The following NUP160 variants were observed in gnomAD, a reference collection of about 807,000 sequenced individuals.
NUP160 encodes the protein nucleoporin 160.
NUP160 carries 94 observed loss-of-function variants against 196.9 expected under a neutral mutation model. The ratio of observed to expected loss-of-function variants is 0.48; its 90% CI spans 0.40 to 0.57. NUP160 has a LOEUF of 0.57. Among genes scored for constraint, NUP160 ranks in the 20% least tolerant of loss-of-function variants. The probability of loss-of-function intolerance (pLI) is 0.00; values close to 1 mark genes in which losing one functional copy is unlikely to be tolerated. For synonymous variants in NUP160, 605 were observed against 619.7 expected, an observed-to-expected ratio of 0.98 and a Z score of 0.35; for missense variants, 1,638 against 1,748.3, an observed-to-expected ratio of 0.94 and a Z score of 1.13.
At chr11:47,796,179 A>T in intron 27 of NUP160, 1 of 305,466 alleles carries the variant, frequency 3.3e-6, no homozygotes, top group Non-Finnish European at 6.0e-6. Context: ...AAAAAGGAGC[A>T]GCTGCGGAAG....
intron 22 of NUP160, among the ~76,000 whole-genome samples, chr11:47,802,479 T>C (rs2097674743): frequency 6.6e-6 from 1 of 151,742 alleles, no homozygotes; most frequent in South Asian, 2.1e-4. Context: ...GATTGACACA[T>C]ACATACATAA....
At chr11:47,818,615 T>C (rs1451049276) in intron 10 of NUP160, among the ~76,000 whole-genome samples, 1 of 152,026 alleles carries the variant, frequency 6.6e-6, no homozygotes, top group Non-Finnish European at 1.5e-5. Flanking sequence ...GAGAACAACA[T>C]GGAAAAATCT....
At chr11:47,822,133 C>G in exon 8 of NUP160, 1 of 1,610,516 alleles carries the variant, frequency 6.2e-7, no homozygotes, top group East Asian at 2.2e-5. Flanking sequence ...ATAGCGATTA[C>G]TCTCAGTGCT....
intron 27 of NUP160, among the ~76,000 whole-genome samples, chr11:47,794,826 C>T (rs1282749393): frequency 1.3e-5 from 2 of 151,486 alleles, no homozygotes; most frequent in African/African-American, 4.9e-5. Flanking sequence ...GCAGGAGAAT[C>T]GCTTGAACCT....
rs774498198 is a variant in NUP160 at position 47,813,037 on chromosome 11, G to A, written c.1797C>T (p.Ile599=). 13 of 1,605,376 alleles carry A rather than the reference G, an allele frequency of 8.1e-6. No homozygotes were observed. The highest frequency in any genetic ancestry group is 4.5e-5 in the East Asian group (2 of 44,820). ...TTATAAGACATATGACATCCCGAGCGATGTCCACATCTACAAATAAGAGAA... is the reference window on the plus strand; with the variant it reads ...TTATAAGACATATGACATCCCGAGCAATGTCCACATCTACAAATAAGAGAA... The change falls in exon 15 of 36, where the codon ATC becomes ATT. Residue 599 remains isoleucine, a synonymous_variant. Transcript: ENST00000378460.
At chr11:47,825,476 G>T in intron 7 of NUP160, among the ~76,000 whole-genome samples, 1 of 134,222 alleles carries the variant, frequency 7.5e-6, no homozygotes, top group Admixed American at 7.9e-5. Context: ...TTTTTGAGAC[G>T]GAGTATCGCT....
rs1852251317 is a variant in NUP160, at chr11:47,839,462, T to C, written c.748+381A>G. The C allele has an allele frequency of 2.2e-5, 5 of 225,608 alleles. No homozygotes were observed. The East Asian group carries it at 4.4e-4, about 20-fold the overall frequency. 14.0% of individuals were successfully genotyped at this position (225,608 alleles called of 1,614,324 possible). A position where few individuals can be genotyped will look rare whatever the true frequency, so the allele number is the denominator to read the frequency against. On this transcript the variant is annotated intron_variant, in intron 4 of 35. Coordinates refer to ENST00000378460, the Ensembl canonical transcript of NUP160. ...GTTAAGACAGATCTGGGGAGATATATAGAAAGCTAATACAATAATCCAGGC... is the reference window on the plus strand; with the variant it reads ...GTTAAGACAGATCTGGGGAGATATACAGAAAGCTAATACAATAATCCAGGC...
At chr11:47,843,477 T>C (rs1363287286) in intron 2 of NUP160, among the ~76,000 whole-genome samples, 1 of 152,218 alleles carries the variant, frequency 6.6e-6, no homozygotes, top group Admixed American at 6.5e-5. Context: ...TGGGCTCCTT[T>C]GTTGGTTCGT....
At chr11:47,808,338 G>A in intron 18 of NUP160, 58 bp downstream of exon 18, 2 of 1,508,562 alleles carry the variant, frequency 1.3e-6, no homozygotes, top group Admixed American at 3.7e-5. Context: ...TTAAGACAAG[G>A]GGAAAAATAA....
chr11:47,779,837 C>T (rs2097659625), intron 35 of NUP160, among the ~76,000 whole-genome samples: 1 of 152,048 alleles, frequency 6.6e-6, no homozygotes, highest in South Asian at 2.1e-4. Context: ...AAGCGATTCT[C>T]CTGCCTCAGC....
intron 11 of NUP160, among the ~76,000 whole-genome samples, chr11:47,817,408 T>A (rs1476429386): frequency 6.7e-6 from 1 of 149,754 alleles, no homozygotes; most frequent in Non-Finnish European, 1.5e-5. Flanking sequence ...AGTGGCGCAA[T>A]CTTGGCTCAC....
At chr11:47,780,480 G>A in intron 34 of NUP160, 33 bp from the exon 35 acceptor site, 1 of 1,398,762 alleles carries the variant, frequency 7.1e-7, no homozygotes, top group Non-Finnish European at 1.0e-6. Flanking sequence ...AAAACAGTCT[G>A]CAAAGTGTAC....
In NUP160 at chr11:47,785,117, A is replaced by G. The variant is rs1378202465; in HGVS notation, c.3849-54T>C. 1.3e-5 allele frequency: 7 copies of G among 551,600 alleles called. 2 individuals are homozygous for G. The highest frequency in any genetic ancestry group is 1.9e-5 in the Non-Finnish European group (7 of 369,372). The allele number at this position is 551,600 out of a possible 1,614,324, so 34.2% of individuals were successfully genotyped here. On this transcript the variant is annotated intron_variant, in intron 32 of 35. Coordinates refer to ENST00000378460, the Ensembl canonical transcript of NUP160. ...TTTCAGATTCTTAATAGCTATTTAG[A>G]GTACCATTCAAAGCATGTATTTACA...
intron 2 of NUP160, among the ~76,000 whole-genome samples, chr11:47,846,655 C>T (rs996237436): frequency 1.3e-5 from 2 of 152,162 alleles, no homozygotes; most frequent in South Asian, 2.1e-4. Flanking sequence ...CACCAGCAAC[C>T]CTTACTTGGG....
intron 15 of NUP160, 113 bp downstream of exon 15, chr11:47,812,769 T>C (rs2097681915): frequency 1.3e-6 from 1 of 793,262 alleles, no homozygotes; most frequent in South Asian, 2.0e-5. Context: ...GCGCATCAGT[T>C]TGACTTTAAG....
At chr11:47,790,230 G>C (rs2097667128) in intron 29 of NUP160, among the ~76,000 whole-genome samples, 1 of 151,854 alleles carries the variant, frequency 6.6e-6, no homozygotes, top group African/African-American at 2.4e-5. Flanking sequence ...ACAGGCGTGA[G>C]TCACTGTGCC....
chr11:47,788,369 T>C, intron 30 of NUP160, 64 bp from the exon 31 acceptor site: 1 of 1,604,170 alleles, frequency 6.2e-7, no homozygotes, highest in Non-Finnish European at 8.5e-7. Flanking sequence ...CCAAAGATTT[T>C]GTTTTGTTGA....
rs1245732388 is a variant in NUP160, at chr11:47,837,711, AG to A, written c.749-89del. The A allele has an allele frequency of 7.4e-6, 7 of 941,656 alleles. No homozygotes were observed. In the African/African-American group the frequency reaches 1.1e-4, roughly 15 times the overall value. 58.3% of individuals were successfully genotyped at this position (941,656 alleles called of 1,614,324 possible). On this transcript the variant is annotated intron_variant, in intron 4 of 35. Coordinates refer to ENST00000378460, the Ensembl canonical transcript of NUP160. ...TAACCATGAACAAGGTCTTTATAAT[AG>A]GCAACAGACTTCCGTATTTCTGTAC...
intron 10 of NUP160, 89 bp from the exon 11 acceptor site, chr11:47,818,213 T>A: frequency 1.2e-6 from 1 of 801,818 alleles, no homozygotes; most frequent in Non-Finnish European, 2.2e-6. Context: ...TTCTACTATA[T>A]GAACATTGCC....
Sources: gnomAD v4.1 joint callset for allele counts (sites outside exome capture counted in the v4.1 genomes callset) on GRCh38, gnomAD v4.1.1 for gene constraint, MANE v1.5 for transcripts, NCBI Gene and HGNC (gene_info 2026-07-23, HGNC 2026-07-21) for gene names.